ACACA: variants seen among roughly 807,000 people sequenced by gnomAD.
ACACA encodes the protein acetyl-CoA carboxylase 1.
In ACACA, 103 loss-of-function variants were observed where a neutral mutation model predicts 296.1. The ratio of observed to expected loss-of-function variants is 0.35; its 90% CI spans 0.30 to 0.41. The LOEUF (loss-of-function observed/expected upper bound fraction) is 0.41, where lower values mean the gene tolerates loss of function less well. Among genes scored for constraint, ACACA ranks in the 10% least tolerant of loss-of-function variants. The pLI is 1.00. For missense variants in ACACA, 1,554 were observed against 2,989.7 expected (o/e 0.52, Z 11.20); for synonymous variants, 953 against 1,038.6 (o/e 0.92, Z 1.58).
chr17:37,254,350 GC>G (rs2081129802), intron 14 of ACACA, among the ~76,000 whole-genome samples: 1 of 152,120 alleles, frequency 6.6e-6, no homozygotes, highest in Non-Finnish European at 1.5e-5. Flanking sequence ...CATTCCCTCA[GC>G]CTAAAATATT....
Position 37,244,584 on chromosome 17 carries a change from A to C in ACACA, c.2742+4T>G. 6.2e-7 allele frequency: 1 copy of C among 1,614,122 alleles called. No homozygotes were observed. Among genetic ancestry groups the C allele is most frequent in the South Asian group, 1.1e-5 (1 of 91,086 alleles). On this transcript the variant is annotated splice_donor_region_variant and intron_variant, in intron 21 of 55. Coordinates refer to ENST00000616317, the MANE Select transcript of ACACA (RefSeq NM_198834.3). Reference sequence around the variant, plus strand: ...ATCCCTTCCCCAGGAGACGTGATACATACCTTGCTGCTAAAGAAAGGATCT... The same window carrying C: ...ATCCCTTCCCCAGGAGACGTGATACCTACCTTGCTGCTAAAGAAAGGATCT...
chr17:37,113,123 G>T lies in ACACA; in HGVS notation c.6417C>A (p.Pro2139=), dbSNP rs2074068948. 1.9e-6 allele frequency: 3 copies of T among 1,614,040 alleles called. No homozygotes were observed. In the South Asian group the frequency reaches 3.3e-5, roughly 18 times the overall value. ...SWVVIDSSIN[P]RHMEMYADRE... is the part of the protein sequence containing the mutation. ...GGTCAGCATACATCTCCATGTGCCG[G>T]GGGTTGATGGAGGAGTCAATCACCA... The change falls in exon 51 of 56, where the codon CCC becomes CCA. Residue 2139 remains proline, a synonymous_variant. Transcript: ENST00000616317. This position sits in a 1 kb window ranked among gnomAD's most constrained non-coding sequence, Gnocchi z 4.0.
chr17:37,157,114 G>A (rs2144307289), intron 42 of ACACA, among the ~76,000 whole-genome samples: 1 of 152,230 alleles, frequency 6.6e-6, no homozygotes, highest in East Asian at 1.9e-4. Context: ...AACGTTTAAG[G>A]AAAACAAAAT....
At chr17:37,390,304 T>TATATATA (rs2050786450) in intron 1 of ACACA, among the ~76,000 whole-genome samples, 1 of 17,988 alleles carries the variant, frequency 5.6e-5, no homozygotes, top group Non-Finnish European at 8.1e-5. Context: ...TTATACATAA[T>TATATATA]TATATATATA....
intron 8 of ACACA, 182 bp from the exon 9 acceptor site, chr17:37,274,481 C>G: frequency 1.8e-6 from 1 of 559,698 alleles, no homozygotes; most frequent in South Asian, 7.8e-5. Flanking sequence ...CAGCATGACC[C>G]GGCAACTTGG....
chr17:37,350,942 G>A (rs955482926), intron 1 of ACACA, among the ~76,000 whole-genome samples: 2 of 151,390 alleles, frequency 1.3e-5, no homozygotes, highest in African/African-American at 4.9e-5. Context: ...GGACCAGCGT[G>A]GCCAACATGG....
At chr17:37,321,487 C>T (rs1213706723) in intron 3 of ACACA, among the ~76,000 whole-genome samples, 3 of 152,094 alleles carry the variant, frequency 2.0e-5, no homozygotes, top group Admixed American at 2.0e-4. Flanking sequence ...CGGTGGCTCA[C>T]GTCTGTAATC....
At chr17:37,164,754 A>AT (rs2076597339) in intron 41 of ACACA, among the ~76,000 whole-genome samples, 3 of 152,158 alleles carry the variant, frequency 2.0e-5, no homozygotes, top group Non-Finnish European at 4.4e-5. Flanking sequence ...ATTTTCTGTC[A>AT]ATTTTCCTCT....
chr17:37,200,610 T>C lies in ACACA; in HGVS notation c.4057-127A>G, dbSNP rs1006573651. The C allele has an allele frequency of 2.3e-5, 19 of 842,868 alleles. No individual in the cohort carries two copies. In the African/African-American group the frequency reaches 2.5e-4, roughly 11 times the overall value. The allele number at this position is 842,868 out of a possible 1,614,324, so 52.2% of individuals were successfully genotyped here. A position where few individuals can be genotyped will look rare whatever the true frequency, so the allele number is the denominator to read the frequency against. On this transcript the variant is annotated intron_variant, in intron 33 of 55. Transcript: ENST00000616317. ...CTTTTTGGATATCCTTATCTTAGCT[T>C]AGTACCTTCAAACTTGCAAGTGAAC...
intron 29 of ACACA, among the ~76,000 whole-genome samples, chr17:37,214,322 T>C (rs2145522343): frequency 6.6e-6 from 1 of 152,340 alleles, no homozygotes; most frequent in Non-Finnish European, 1.5e-5. Context: ...TCAGATGCCC[T>C]GAGTCTACTG....
At chr17:37,370,983 CA>C (rs77796641) in intron 1 of ACACA, among the ~76,000 whole-genome samples, 1,673 of 131,194 alleles carry the variant, frequency 0.013, 24 homozygotes, top group African/African-American at 0.042. Flanking sequence ...GACTCCATCT[CA>C]AAAAAAAAAA....
At position 37,257,817 on chromosome 17, in the gene ACACA, T is replaced by C; in HGVS notation, c.1712A>G (p.Asn571Ser). The change falls in exon 14 of 56, where the codon AAT becomes AGT. Residue 571 changes from asparagine (N) to serine (S), a missense_variant. Asn to Ser is a conservative substitution (Grantham distance 46). This residue lies in a region of ACACA where 35 missense variants were observed against 139.4 expected (regional missense o/e 0.25). Coordinates refer to ENST00000616317, the MANE Select transcript of ACACA (RefSeq NM_198834.3). Reference protein sequence around the residue: ...GTVQELNFRSNKNVWGYFSVA... With the variant: ...GTVQELNFRSSKNVWGYFSVA... ...ACTGAAATATCCCCAAACATTCTTA[T>C]TGCTGCGGAAATTTAGCTCCTGAAC... The C allele has an allele frequency of 6.2e-7, 1 of 1,614,216 alleles. No individual in the cohort carries two copies.
At chr17:37,120,854 T>G (rs2074494687) in intron 50 of ACACA, among the ~76,000 whole-genome samples, 1 of 152,202 alleles carries the variant, frequency 6.6e-6, no homozygotes, top group Admixed American at 6.5e-5. Context: ...AATGGTCTAA[T>G]ATGCTGGAGC....
At chr17:37,147,339 G>C (rs2075854311) in intron 45 of ACACA, among the ~76,000 whole-genome samples, 1 of 152,034 alleles carries the variant, frequency 6.6e-6, no homozygotes, top group Non-Finnish European at 1.5e-5. Context: ...CTATACGCAA[G>C]ACACAGACAC....
chr17:37,219,598 T>C (rs2079187268), intron 29 of ACACA, among the ~76,000 whole-genome samples: 1 of 151,832 alleles, frequency 6.6e-6, no homozygotes, highest in Non-Finnish European at 1.5e-5. Flanking sequence ...GTACACCAGC[T>C]GGTGTCATAA....
chr17:37,274,363 C>T lies in ACACA; in HGVS notation c.902-64G>A. The T allele has an allele frequency of 4.2e-6, 6 of 1,433,568 alleles. 1 individual carries two copies. The South Asian group carries it at 5.7e-5, about 14-fold the overall frequency. The allele number at this position is 1,433,568 out of a possible 1,614,324, so 88.8% of individuals were successfully genotyped here. ...CTTCTGCTCTTGTCAATTTTCTGCT[C>T]TGCATTCTTTGAAATGCTATCATAT... On this transcript the variant is annotated intron_variant, in intron 8 of 55. Transcript: ENST00000616317.
At chr17:37,306,309 T>C (rs1307343315) in intron 3 of ACACA, among the ~76,000 whole-genome samples, 1 of 152,330 alleles carries the variant, frequency 6.6e-6, no homozygotes, top group African/African-American at 2.4e-5. Flanking sequence ...TCAATCTTCA[T>C]AATTGGTTTT....
intron 3 of ACACA, among the ~76,000 whole-genome samples, chr17:37,287,184 C>A (rs546912086): frequency 2.5e-4 from 38 of 152,274 alleles, no homozygotes; most frequent in African/African-American, 9.1e-4. Flanking sequence ...CTTTCCCCTA[C>A]AATTTAAACT....
intron 3 of ACACA, 93 bp from the exon 4 acceptor site, chr17:37,285,063 A>AG: frequency 2.1e-6 from 3 of 1,449,848 alleles, no homozygotes; most frequent in Non-Finnish European, 2.9e-6. Context: ...TCACAACTGC[A>AG]TCCTGTGAAG....
Sources: allele counts gnomAD v4.1 joint callset (sites outside exome capture counted in the v4.1 genomes callset), GRCh38; gene constraint gnomAD v4.1.1; regional missense constraint gnomAD v4.1.1; non-coding constraint Gnocchi (gnomAD v3.1); transcripts MANE v1.5; gene names NCBI Gene and HGNC (gene_info 2026-07-23, HGNC 2026-07-21).